Variants in ITPR1 observed in about 807,000 individuals in gnomAD.
The protein encoded by ITPR1 is inositol 1,4,5-trisphosphate-gated calcium channel ITPR1.
Under a neutral mutation model 318.4 loss-of-function variants are expected in ITPR1, and 96 were observed. The observed-to-expected ratio is 0.30, with a 90% CI of 0.26 to 0.36. The LOEUF is 0.36. Ranked by LOEUF, ITPR1 falls within the 10% of genes least tolerant of loss-of-function variation. The pLI, the probability that ITPR1 is intolerant of heterozygous loss-of-function variation, is 1.00. For missense variants in ITPR1, 2,440 were observed against 3,460.2 expected, an observed-to-expected ratio of 0.71 and a Z score of 7.40; for synonymous variants, 1,312 against 1,289.9, an observed-to-expected ratio of 1.02 and a Z score of -0.37.
chr3:4,499,555 A>G lies in ITPR1; in HGVS notation c.-17+5049A>G, dbSNP rs79925388. On this transcript the variant is annotated intron_variant, in intron 2 of 61. Transcript: ENST00000649015. ...AATTTTACACATACACGTATTTAAC[A>G]GTTTGAATTAGGATCCAAATAAGGT... 8.2e-3 allele frequency among the ~76,000 whole-genome samples: 1,249 copies of G among 152,334 alleles called. 13 individuals carry two copies. Among genetic ancestry groups the G allele is most frequent in the African/African-American group, 0.028 (1,180 of 41,558 alleles).
At chr3:4,701,921 C>T (rs528041838) in intron 35 of ITPR1, among the ~76,000 whole-genome samples, 1 of 152,176 alleles carries the variant, frequency 6.6e-6, no homozygotes, top group Non-Finnish European at 1.5e-5. Flanking sequence ...CTTTTTCTTT[C>T]ATCTCAGAGA....
At chr3:4,702,142 A>T (rs893364006) in intron 35 of ITPR1, among the ~76,000 whole-genome samples, 1 of 125,412 alleles carries the variant, frequency 8.0e-6, no homozygotes, top group Non-Finnish European at 1.9e-5. Context: ...GTCAGTGTCA[A>T]ATTGATTCAG....
chr3:4,585,329 T>C (rs1203238294), intron 4 of ITPR1, among the ~76,000 whole-genome samples: 1 of 152,278 alleles, frequency 6.6e-6, no homozygotes, highest in African/African-American at 2.4e-5. Flanking sequence ...TAGAGAGTTC[T>C]GTCTCTCAGT....
intron 5 of ITPR1, among the ~76,000 whole-genome samples, chr3:4,635,588 G>C (rs1178824542): frequency 1.3e-5 from 2 of 151,852 alleles, no homozygotes; most frequent in Non-Finnish European, 2.9e-5. Context: ...CTTGTGATCT[G>C]CCCGCCTCGG....
At chr3:4,574,158 T>C (rs1212924828) in intron 4 of ITPR1, among the ~76,000 whole-genome samples, 1 of 152,120 alleles carries the variant, frequency 6.6e-6, no homozygotes, top group Non-Finnish European at 1.5e-5. Context: ...TGGGCTATTA[T>C]TGTTCATGAG....
chr3:4,723,393 CCT>C (rs1180241392), intron 40 of ITPR1, among the ~76,000 whole-genome samples: 4 of 152,058 alleles, frequency 2.6e-5, no homozygotes, highest in African/African-American at 9.7e-5. Flanking sequence ...TGCAAAGCAT[CCT>C]CTGTTTTCTC....
chr3:4,545,995 C>A (rs993430528), intron 4 of ITPR1, among the ~76,000 whole-genome samples: 2 of 151,948 alleles, frequency 1.3e-5, no homozygotes, highest in African/African-American at 4.8e-5. Flanking sequence ...TGATCTTGAG[C>A]GAAATATTTA....
intron 4 of ITPR1, among the ~76,000 whole-genome samples, chr3:4,603,582 A>G (rs2091469436): frequency 1.3e-5 from 2 of 152,114 alleles, no homozygotes; most frequent in African/African-American, 4.8e-5. Flanking sequence ...GGGGCGCGCC[A>G]CCACACCTAG....
At chr3:4,495,803 C>T (rs922274716) in intron 2 of ITPR1, among the ~76,000 whole-genome samples, 3 of 152,126 alleles carry the variant, frequency 2.0e-5, no homozygotes, top group Non-Finnish European at 4.4e-5. Flanking sequence ...GGCGGTGAGG[C>T]TGTACTGCAT....
chr3:4,787,279 A>G lies in ITPR1; in HGVS notation c.6616-668A>G, dbSNP rs1024903153. Among the ~76,000 whole-genome samples the G allele has an allele frequency of 3.0e-5, 4 of 134,454 alleles. No individual in the cohort carries two copies. In the East Asian group the frequency reaches 7.4e-4, roughly 25 times the overall value. 88.2% of individuals were successfully genotyped at this position (134,454 alleles called of 152,430 possible). On this transcript the variant is annotated intron_variant, in intron 51 of 61. Coordinates refer to ENST00000649015, the MANE Select transcript of ITPR1 (RefSeq NM_001378452.1). ...GGGTTCACAGGGAGGTGGAGGTTGC[A>G]GTGAGCTGAGATCGCACCACCATAC... is the stretch of plus-strand genomic sequence containing the variant.
chr3:4,554,331 G>C (rs1003699432), intron 4 of ITPR1, among the ~76,000 whole-genome samples: 20 of 152,214 alleles, frequency 1.3e-4, no homozygotes, highest in African/African-American at 4.8e-4. Flanking sequence ...CATCATAGGT[G>C]CTCCAGGTTT....
intron 4 of ITPR1, among the ~76,000 whole-genome samples, chr3:4,564,248 G>A (rs947539779): frequency 2.0e-5 from 3 of 152,030 alleles, no homozygotes; most frequent in Admixed American, 2.0e-4. Flanking sequence ...GCCGGGATTG[G>A]TTCCTTCTGA....
intron 47 of ITPR1, among the ~76,000 whole-genome samples, chr3:4,776,007 A>G (rs2046461050): frequency 6.6e-6 from 1 of 152,374 alleles, no homozygotes; most frequent in African/African-American, 2.4e-5. Flanking sequence ...TGTCTTGAGT[A>G]GAGTCATTGC....
chr3:4,840,937 T>C (rs2051299426), intron 61 of ITPR1, among the ~76,000 whole-genome samples: 1 of 152,226 alleles, frequency 6.6e-6, no homozygotes. Context: ...TTGCTAGGAA[T>C]ACAAGAAGTG....
intron 10 of ITPR1, among the ~76,000 whole-genome samples, chr3:4,648,909 T>C (rs76850504): frequency 0.013 from 2,023 of 152,346 alleles, 43 homozygotes; most frequent in African/African-American, 0.046. Flanking sequence ...ACTCAGTTTC[T>C]GAAATAAAAC....
chr3:4,764,630 C>T (rs1053260721), intron 44 of ITPR1, among the ~76,000 whole-genome samples: 8 of 152,320 alleles, frequency 5.3e-5, no homozygotes, highest in African/African-American at 1.9e-4. Flanking sequence ...GGGGCAGCCT[C>T]ACTGAGCAGG....
At chr3:4,674,366 A>T (rs772652033) in intron 22 of ITPR1, 23 bp downstream of exon 22, 2 of 1,591,036 alleles carry the variant, frequency 1.3e-6, no homozygotes, top group East Asian at 2.3e-5. Context: ...GAAATCTTCT[A>T]TGTGTATTAT....
rs117430500 is a variant in ITPR1, at chr3:4,627,554, C to T, written c.164-209C>T. Among the ~76,000 whole-genome samples, 256 of 152,126 alleles carry T rather than the reference C, an allele frequency of 1.7e-3. 5 individuals carry two copies. The East Asian group carries it at 0.044, about 26-fold the overall frequency. On this transcript the variant is annotated intron_variant, in intron 4 of 61. Transcript: ENST00000649015. ...CTACCAAGTGGTTCTGTAGAACAAT[C>T]GACTCACTTTCTTTAAGCCTTGGTT...
intron 33 of ITPR1, among the ~76,000 whole-genome samples, chr3:4,695,300 C>T (rs998733899): frequency 4.6e-5 from 7 of 152,142 alleles, no homozygotes; most frequent in Admixed American, 1.3e-4. Flanking sequence ...TTTTAATTTA[C>T]AGTTCACTTG....
Sources: allele counts gnomAD v4.1 joint callset (sites outside exome capture counted in the v4.1 genomes callset), GRCh38; gene constraint gnomAD v4.1.1; transcripts MANE v1.5; gene names NCBI Gene and HGNC (gene_info 2026-07-23, HGNC 2026-07-21).